The following APBB2 variants were observed in gnomAD, a reference collection of about 807,000 sequenced individuals.
The protein encoded by APBB2 is Fe65-like 1.
APBB2 carries 38 observed loss-of-function variants against 82.5 expected under a neutral mutation model. The ratio of observed to expected loss-of-function variants is 0.46; its 90% confidence interval spans 0.36 to 0.60. The LOEUF (loss-of-function observed/expected upper bound fraction) is 0.60. Ranked by LOEUF, APBB2 falls within the 20% of genes least tolerant of loss-of-function variation. The pLI is 0.00. For synonymous variants in APBB2, 341 were observed against 368.2 expected (o/e 0.93, Z 0.85); for missense variants, 772 against 972.3 (o/e 0.79, Z 2.74).
intron 3 of APBB2, among the ~76,000 whole-genome samples, chr4:41,071,212 C>A (rs764409744): frequency 5.3e-5 from 8 of 152,076 alleles, no homozygotes; most frequent in Non-Finnish European, 1.0e-4. Context: ...TAAGTTTGTA[C>A]ACAAAAAATT....
intron 3 of APBB2, among the ~76,000 whole-genome samples, chr4:41,074,883 T>G (rs776564732): frequency 1.3e-5 from 2 of 152,168 alleles, no homozygotes; most frequent in Non-Finnish European, 2.9e-5. Context: ...GCATGGTGGC[T>G]CATGCCTGTA....
chr4:41,212,693 G>T (rs1040621479), intron 1 of APBB2, among the ~76,000 whole-genome samples: 1 of 152,148 alleles, frequency 6.6e-6, no homozygotes, highest in African/African-American at 2.4e-5. Flanking sequence ...TGACTTCGGG[G>T]TCATACAGTA....
chr4:40,822,228 A>G (rs756482185), intron 16 of APBB2, 178 bp from the exon 17 acceptor site: 3 of 650,438 alleles, frequency 4.6e-6, no homozygotes, highest in Non-Finnish European at 7.9e-6. Flanking sequence ...CTGCATGGCT[A>G]CCCTGTTCTG....
intron 10 of APBB2, among the ~76,000 whole-genome samples, chr4:40,895,668 A>G (rs1293182786): frequency 6.6e-6 from 1 of 152,186 alleles, no homozygotes; most frequent in Non-Finnish European, 1.5e-5. Context: ...CTCTCCAGAA[A>G]GTGCTGTGCA....
At chr4:41,092,497 T>C (rs1049692430) in intron 3 of APBB2, among the ~76,000 whole-genome samples, 3 of 152,132 alleles carry the variant, frequency 2.0e-5, no homozygotes, top group Admixed American at 2.0e-4. Context: ...GAGACCAGCC[T>C]GGCCAACATA....
chr4:40,891,345 G>C (rs564151121), intron 11 of APBB2, among the ~76,000 whole-genome samples: 1 of 152,040 alleles, frequency 6.6e-6, no homozygotes, highest in Non-Finnish European at 1.5e-5. Flanking sequence ...CAATCTCCCC[G>C]GCATAATTTT....
At chr4:41,167,685 T>C (rs1292804252) in intron 1 of APBB2, among the ~76,000 whole-genome samples, 1 of 152,312 alleles carries the variant, frequency 6.6e-6, no homozygotes, top group East Asian at 1.9e-4. Flanking sequence ...AGGGCAATAT[T>C]CCTTCTAATG....
intron 3 of APBB2, among the ~76,000 whole-genome samples, chr4:41,088,479 G>A (rs150063334): frequency 2.0e-5 from 3 of 152,352 alleles, no homozygotes; most frequent in East Asian, 1.9e-4. Flanking sequence ...TAGGATCTGC[G>A]CTGTGAGAGG....
At chr4:40,865,520 CT>C (rs1386415119) in intron 12 of APBB2, among the ~76,000 whole-genome samples, 7 of 152,164 alleles carry the variant, frequency 4.6e-5, no homozygotes, top group Admixed American at 4.6e-4. Flanking sequence ...GCAGTTTTGC[CT>C]TTTCCAAAAT....
intron 1 of APBB2, among the ~76,000 whole-genome samples, chr4:41,185,986 G>C (rs1195706791): frequency 1.3e-5 from 2 of 152,084 alleles, no homozygotes; most frequent in Non-Finnish European, 2.9e-5. Context: ...TACTATACTG[G>C]TCTGTAACTA....
chr4:40,932,798 AAAC>A (rs1431068750), intron 10 of APBB2, among the ~76,000 whole-genome samples: 1 of 152,226 alleles, frequency 6.6e-6, no homozygotes, highest in Non-Finnish European at 1.5e-5. Flanking sequence ...AAGACGCTAC[AAAC>A]AATAATAAAA....
chr4:41,018,809 T>C (rs901580473), intron 5 of APBB2, among the ~76,000 whole-genome samples: 1 of 152,160 alleles, frequency 6.6e-6, no homozygotes, highest in Non-Finnish European at 1.5e-5. Context: ...TTCTCTGGCC[T>C]TAGAGTGGAC....
chr4:41,214,155 C>T (rs1580892133), intron 1 of APBB2, among the ~76,000 whole-genome samples: 1 of 152,162 alleles, frequency 6.6e-6, no homozygotes, highest in Non-Finnish European at 1.5e-5. Flanking sequence ...GGCCCTGCGG[C>T]GCGGGCGCAG....
intron 2 of APBB2, among the ~76,000 whole-genome samples, chr4:41,114,448 C>T (rs564973048): frequency 4.6e-5 from 7 of 152,266 alleles, no homozygotes; most frequent in African/African-American, 1.7e-4. Flanking sequence ...TCGTATTCAA[C>T]ATAGTATTGA....
intron 1 of APBB2, among the ~76,000 whole-genome samples, chr4:41,189,944 G>C (rs568436141): frequency 2.4e-4 from 36 of 152,294 alleles, no homozygotes; most frequent in African/African-American, 7.7e-4. Flanking sequence ...TTGAAAATCT[G>C]TAACTGTTTC....
intron 10 of APBB2, among the ~76,000 whole-genome samples, chr4:40,902,596 C>A (rs964352626): frequency 1.3e-5 from 2 of 152,148 alleles, no homozygotes; most frequent in Non-Finnish European, 2.9e-5. Flanking sequence ...TACAGTGATA[C>A]AATCATGGCT....
intron 10 of APBB2, among the ~76,000 whole-genome samples, chr4:40,925,452 C>T (rs1782380041): frequency 6.6e-6 from 1 of 152,158 alleles, no homozygotes; most frequent in Admixed American, 6.5e-5. Context: ...AGCAGCAGAG[C>T]CTGGCTTTAA....
In APBB2 at chr4:40,890,810, C is replaced by A. The variant is rs569868517; in HGVS notation, c.1402-319G>T. The A allele has an allele frequency of 2.1e-4, 46 of 215,842 alleles. No homozygotes were observed. In the South Asian group the frequency reaches 4.1e-3, roughly 19 times the overall value. The allele number at this position is 215,842 out of a possible 1,614,324, so 13.4% of individuals were successfully genotyped here. A position where few individuals can be genotyped will look rare whatever the true frequency, so the allele number is the denominator to read the frequency against. On this transcript the variant is annotated intron_variant, in intron 11 of 17. Coordinates refer to ENST00000508593, the MANE Select transcript of APBB2 (RefSeq NM_004307.2). ...CTAATTGTGGTTTCCCTGGAGAATA[C>A]GTCTTTTACTAATTCCATGCCCATC...
intron 13 of APBB2, 145 bp downstream of exon 13, chr4:40,830,318 C>T: frequency 1.6e-6 from 1 of 622,878 alleles, no homozygotes; most frequent in Non-Finnish European, 2.9e-6. Context: ...AGCAAGAATA[C>T]TTTAATGACT....
Sources: gnomAD v4.1 joint callset for allele counts (sites outside exome capture counted in the v4.1 genomes callset) on GRCh38, gnomAD v4.1.1 for gene constraint, MANE v1.5 for transcripts, NCBI Gene and HGNC (gene_info 2026-07-23, HGNC 2026-07-21) for gene names.